Variants in SVEP1 observed in about 807,000 individuals in gnomAD.
The protein encoded by SVEP1 is sushi, von Willebrand factor type A, EGF and pentraxin domain-containing protein 1.
In SVEP1, 164 loss-of-function variants were observed where a neutral mutation model predicts 367.3. The ratio of observed to expected loss-of-function variants is 0.45; its 90% CI spans 0.39 to 0.51. SVEP1 has a LOEUF of 0.51. Ranked by LOEUF, SVEP1 falls within the 20% of genes least tolerant of loss-of-function variation. The pLI is 0.00. For synonymous variants in SVEP1, 1,666 were observed against 1,611.6 expected (o/e 1.03, Z -0.81); for missense variants, 4,117 against 4,425.3 (o/e 0.93, Z 1.98).
chr9:110,469,028 T>C lies in SVEP1; in HGVS notation c.3072A>G (p.Gln1024=). The C allele has an allele frequency of 6.2e-7, 1 of 1,613,978 alleles. No individual in the cohort carries two copies. Among genetic ancestry groups the C allele is most frequent in the Non-Finnish European group, 8.5e-7 (1 of 1,179,854 alleles). ...TCESCRIGSY[Q]DEEGQLECKL... ...TGCACTCAAGTTGCCCTTCTTCATC[T>C]TGATAGGATCCGATCCGGCAGCTTT... Residue 1024 remains glutamine (Q), a synonymous_variant, in exon 17 of 48, where the codon CAA becomes CAG. Transcript: ENST00000374469.
At chr9:110,464,102 G>C (rs986539424) in intron 18 of SVEP1, among the ~76,000 whole-genome samples, 3 of 152,106 alleles carry the variant, frequency 2.0e-5, no homozygotes, top group African/African-American at 4.8e-5. Context: ...TGGAGGAAGT[G>C]GGCAGGAAGA....
chr9:110,423,071 G>T (rs1564137931), intron 36 of SVEP1, among the ~76,000 whole-genome samples: 1 of 130,898 alleles, frequency 7.6e-6, no homozygotes, highest in Non-Finnish European at 1.6e-5. Context: ...GTATACATAT[G>T]TAACTAACCT....
At position 110,427,578 on chromosome 9, in the gene SVEP1, AG is replaced by A. The variant is rs769130869; in HGVS notation, c.5975+12del. Reference sequence around the variant, plus strand: ...GGCTCTCAATGATCCTTTCCTTCACAGGCCCTACTCACCCTTCTTTGCAAGT... The same window carrying A: ...GGCTCTCAATGATCCTTTCCTTCACAGCCCTACTCACCCTTCTTTGCAAGT... On this transcript the variant is annotated intron_variant, in intron 36 of 47. Transcript: ENST00000374469. The A allele has an allele frequency of 2.2e-5, 35 of 1,609,582 alleles. No homozygotes were observed. The African/African-American group carries it at 4.3e-4, about 20-fold the overall frequency.
intron 9 of SVEP1, among the ~76,000 whole-genome samples, chr9:110,487,869 G>A (rs1336769538): frequency 6.6e-6 from 1 of 152,100 alleles, no homozygotes; most frequent in Non-Finnish European, 1.5e-5. Flanking sequence ...GACTTTAAGC[G>A]GTGGAGATGA....
chr9:110,391,619 T>TCCA (rs1827656972), intron 40 of SVEP1, among the ~76,000 whole-genome samples: 1 of 152,092 alleles, frequency 6.6e-6, no homozygotes, highest in Non-Finnish European at 1.5e-5. Context: ...AATTAACCTT[T>TCCA]AAACTTTTGG....
intron 3 of SVEP1, among the ~76,000 whole-genome samples, chr9:110,526,583 A>T (rs932777120): frequency 1.3e-5 from 2 of 152,150 alleles, no homozygotes; most frequent in Non-Finnish European, 2.9e-5. Context: ...TTCTGATGGA[A>T]ATGTAAAGTA....
rs771221045 is a variant in SVEP1 at position 110,408,425 on chromosome 9, G to A, written c.7175C>T (p.Pro2392Leu). The change falls in exon 38 of 48, where the codon CCC (proline) becomes CTC (leucine). Residue 2392 changes from proline to leucine, a missense_variant. Pro to Leu is a moderately conservative substitution (Grantham distance 98, BLOSUM62 -3). Around this residue, in one of 4 missense-constraint regions of SVEP1, gnomAD observed 1,765 missense variants for 1,781.1 expected, o/e 0.99. Transcript: ENST00000374469. Reference sequence around the variant, plus strand: ...AAAATGAAGAGCAGAAGAAGGAATGGGGACACCAAAGGAAATTAGGGGAGG... The same window carrying A: ...AAAATGAAGAGCAGAAGAAGGAATGAGGACACCAAAGGAAATTAGGGGAGG... ...TPPPLISFGV[P>L]IPSSALHFGS... 2 of 1,613,920 alleles carry A rather than the reference G, an allele frequency of 1.2e-6. No individual in the cohort carries two copies. The highest frequency in any genetic ancestry group is 2.2e-5 in the East Asian group (1 of 44,886).
chr9:110,462,703 T>G (rs1828875923), intron 18 of SVEP1, among the ~76,000 whole-genome samples: 1 of 151,636 alleles, frequency 6.6e-6, no homozygotes, highest in African/African-American at 2.4e-5. Context: ...TCTTTTCACC[T>G]CCTCTATTGT....
intron 13 of SVEP1, 112 bp downstream of exon 13, chr9:110,479,523 C>T: frequency 1.5e-6 from 2 of 1,303,086 alleles, no homozygotes; most frequent in Non-Finnish European, 2.1e-6. Flanking sequence ...AGGTACATGT[C>T]TGGATCACAA....
At position 110,406,517 on chromosome 9, in the gene SVEP1, G is replaced by C. The variant is rs747625676; in HGVS notation, c.9083C>G (p.Ala3028Gly). The stretch of plus-strand genomic sequence containing the variant: ...GAAGCCTTTGAAGCACTGAATCCGG[G>C]CTGCCTTTCCACAGTCAAAATCTGT... Reference protein sequence around the residue: ...NGTDFDCGKAARIQCFKGFKL... With the variant: ...NGTDFDCGKAGRIQCFKGFKL... The change falls in exon 38 of 48, where the codon GCC becomes GGC. Residue 3028 changes from alanine to glycine, a missense_variant. Coordinates refer to ENST00000374469, the MANE Select transcript of SVEP1 (RefSeq NM_153366.4). The C allele has an allele frequency of 6.2e-7, 1 of 1,613,554 alleles. No individual in the cohort carries two copies. The highest frequency in any genetic ancestry group is 2.2e-5 in the East Asian group (1 of 44,886).
At chr9:110,393,900 A>T (rs2148878) in intron 40 of SVEP1, among the ~76,000 whole-genome samples, 1 of 152,122 alleles carries the variant, frequency 6.6e-6, no homozygotes, top group Admixed American at 6.5e-5. Flanking sequence ...TCAAGGAGGC[A>T]TGCCTGCCTC....
intron 8 of SVEP1, 53 bp downstream of exon 8, chr9:110,496,762 C>A: frequency 1.5e-6 from 2 of 1,301,134 alleles, no homozygotes; most frequent in Admixed American, 2.0e-5. Flanking sequence ...CACATATCTG[C>A]AGTATATTTA....
At position 110,481,355 on chromosome 9, in the gene SVEP1, A is replaced by C; in HGVS notation, c.2252T>G (p.Leu751Ter). The change falls in exon 12 of 48, where the codon TTA (leucine) becomes TGA (stop). Residue 751 changes from leucine (L) to a stop codon, truncating the protein, a stop_gained. Coordinates refer to ENST00000374469, the MANE Select transcript of SVEP1 (RefSeq NM_153366.4). LOFTEE classifies it high-confidence loss of function. ...GAAATCATAGCCCTCCAAGCAAGTT[A>C]ATGTACAGTTGACTCCAGTATTATC... The part of the protein sequence containing the change: ...TPDNTGVNCT[L>*]TCLEGYDFTE... 6.2e-7 allele frequency: 1 copy of C among 1,611,422 alleles called. No individual in the cohort carries two copies. Among genetic ancestry groups the C allele is most frequent in the Non-Finnish European group, 8.5e-7 (1 of 1,178,702 alleles).
At chr9:110,465,227 C>G (rs1315234424) in intron 18 of SVEP1, among the ~76,000 whole-genome samples, 1 of 151,616 alleles carries the variant, frequency 6.6e-6, no homozygotes, top group Non-Finnish European at 1.5e-5. Flanking sequence ...TCCATGCTGA[C>G]ATTTGAGAAC....
In SVEP1 at chr9:110,533,115, G is replaced by A. The variant is rs548434246; in HGVS notation, c.964+13000C>T. On this transcript the variant is annotated intron_variant, in intron 3 of 47. Coordinates refer to ENST00000374469, the MANE Select transcript of SVEP1 (RefSeq NM_153366.4). Reference sequence around the variant, plus strand: ...TGCCGCTGATCTGACAGGAGGCAGAGCTCAGGCGGTAAGGCTTGCTCACCT... The same window carrying A: ...TGCCGCTGATCTGACAGGAGGCAGAACTCAGGCGGTAAGGCTTGCTCACCT... Among the ~76,000 whole-genome samples the A allele has an allele frequency of 4.6e-5, 7 of 152,198 alleles. No individual in the cohort carries two copies. The South Asian group carries it at 1.2e-3, about 27-fold the overall frequency.
At chr9:110,575,869 A>G (rs1339320394) in intron 1 of SVEP1, among the ~76,000 whole-genome samples, 2 of 152,214 alleles carry the variant, frequency 1.3e-5, no homozygotes, top group African/African-American at 4.8e-5. Flanking sequence ...CTATATATGG[A>G]CAATAACATG....
In SVEP1 at chr9:110,404,517, T is replaced by C. The variant is rs750150784; in HGVS notation, c.9476A>G (p.Asp3159Gly). 6.2e-7 allele frequency: 1 copy of C among 1,612,942 alleles called. No individual in the cohort carries two copies. Among genetic ancestry groups the C allele is most frequent in the Non-Finnish European group, 8.5e-7 (1 of 1,179,066 alleles). The change falls in exon 39 of 48, where the codon GAT becomes GGT. Residue 3159 changes from aspartate (D) to glycine (G), a missense_variant. Physicochemically the swap from Asp to Gly is moderately conservative, Grantham distance 94 (BLOSUM62 -1). Coordinates refer to ENST00000374469, the MANE Select transcript of SVEP1 (RefSeq NM_153366.4). ...LEGYTMDTDT[D>G]TFTCQKDGRW... ...ACCATCTTTCTGACAGGTGAATGTA[T>C]CTGTATCTGTATCCATCGTATAACC...
chr9:110,408,000 T>TG lies in SVEP1; in HGVS notation c.7599dup (p.Ser2534GlnfsTer10), dbSNP rs777460251. 1 of 1,614,018 alleles carries TG rather than the reference T, an allele frequency of 6.2e-7. No homozygotes were observed. Reference sequence around the variant, plus strand: ...CCTGTCTCTAAACAGGTCAAGGCACTGGGACCTTCGAGCCGAAAGCCTCGG... The same window carrying TG: ...CCTGTCTCTAAACAGGTCAAGGCACTGGGGACCTTCGAGCCGAAAGCCTCGG... On this transcript the variant is annotated frameshift_variant, in exon 38 of 48. Transcript: ENST00000374469. LOFTEE classifies it high-confidence loss of function.
chr9:110,412,390 A>G (rs1448472572), intron 36 of SVEP1, among the ~76,000 whole-genome samples: 1 of 152,250 alleles, frequency 6.6e-6, no homozygotes, highest in Non-Finnish European at 1.5e-5. Flanking sequence ...GAAAGGTGTC[A>G]ATTCAAGATG....
Sources: allele counts gnomAD v4.1 joint callset (sites outside exome capture counted in the v4.1 genomes callset), GRCh38; gene constraint gnomAD v4.1.1; regional missense constraint gnomAD v4.1.1; transcripts MANE v1.5; gene names NCBI Gene and HGNC (gene_info 2026-07-23, HGNC 2026-07-21).